The following RAB11FIP4 variants were observed in gnomAD, a reference collection of about 807,000 sequenced individuals.
The protein encoded by RAB11FIP4 is RAB11 family interacting protein 4.
In RAB11FIP4, 23 loss-of-function variants were observed where a neutral mutation model predicts 74.3. That is an observed-to-expected ratio of 0.31 (90% CI 0.22 to 0.44). RAB11FIP4 has a LOEUF of 0.44. Among genes scored for constraint, RAB11FIP4 ranks in the 20% least tolerant of loss-of-function variants. The pLI is 1.00. For synonymous variants in RAB11FIP4, 360 were observed against 359.9 expected (o/e 1.00, Z 0.00); for missense variants, 630 against 863.9 (o/e 0.73, Z 3.39).
intron 3 of RAB11FIP4, among the ~76,000 whole-genome samples, chr17:31,457,082 G>A (rs2071585967): frequency 6.6e-6 from 1 of 152,214 alleles, no homozygotes; most frequent in Non-Finnish European, 1.5e-5. Context: ...GCTGTAAGGA[G>A]GGATAGTGAG....
chr17:31,410,165 G>A (rs2071079937), intron 1 of RAB11FIP4, among the ~76,000 whole-genome samples: 1 of 152,186 alleles, frequency 6.6e-6, no homozygotes, highest in South Asian at 2.1e-4. Flanking sequence ...ACCGAGAGGA[G>A]TTATTAGGGT....
chr17:31,500,403 A>G (rs1597959463), intron 3 of RAB11FIP4, among the ~76,000 whole-genome samples: 2 of 152,268 alleles, frequency 1.3e-5, no homozygotes, highest in East Asian at 3.9e-4. Context: ...AAAATGCTCC[A>G]GATGTCAGGT....
intron 3 of RAB11FIP4, among the ~76,000 whole-genome samples, chr17:31,496,384 T>C (rs1430001952): frequency 2.0e-5 from 3 of 152,154 alleles, no homozygotes; most frequent in Admixed American, 2.0e-4. Flanking sequence ...TCTTGCTGGG[T>C]ATCATCTAAG....
intron 4 of RAB11FIP4, among the ~76,000 whole-genome samples, chr17:31,519,046 G>A (rs1208199825): frequency 1.1e-4 from 12 of 110,580 alleles, no homozygotes; most frequent in Non-Finnish European, 1.9e-4. Flanking sequence ...ACGGAGTCTC[G>A]CTCTGTCGCC....
intron 3 of RAB11FIP4, among the ~76,000 whole-genome samples, chr17:31,441,787 C>G (rs1462096606): frequency 6.6e-6 from 1 of 152,114 alleles, no homozygotes; most frequent in Non-Finnish European, 1.5e-5. Context: ...TTTGGCTTCC[C>G]AAGGTGCTAG....
Position 31,537,055 on chromosome 17 carries a change from C to G in RAB11FIP4, c.*5323C>G. 1 of 399,378 alleles carries G rather than the reference C, an allele frequency of 2.5e-6. No individual in the cohort carries two copies. The highest frequency in any genetic ancestry group is 4.4e-6 in the Non-Finnish European group (1 of 226,230). The allele number at this position is 399,378 out of a possible 1,614,324, so 24.7% of individuals were successfully genotyped here. On this transcript the variant is annotated 3_prime_UTR_variant, in exon 15 of 15. Transcript: ENST00000621161. Reference sequence around the variant, plus strand: ...AAGTGCTGTTGTCCCCAGGGTGACCCTGCCTCCTGCTGGGGCCCATCCGCT... The same window carrying G: ...AAGTGCTGTTGTCCCCAGGGTGACCGTGCCTCCTGCTGGGGCCCATCCGCT...
At chr17:31,524,797 AG>A (rs1220633715) in intron 9 of RAB11FIP4, 4 of 501,164 alleles carry the variant, frequency 8.0e-6, no homozygotes, top group Non-Finnish European at 1.4e-5. Context: ...GTGAGGCCTG[AG>A]GTGGTTCCGG....
rs2071359304 is a variant in RAB11FIP4 at position 31,436,603 on chromosome 17, C to T, written c.336+2481C>T. ...CCACCAAGGTACTCTTTTTTGTAAACCGATATTGCTTTCCTCCAAAGTCTA... is the reference window on the plus strand; with the variant it reads ...CCACCAAGGTACTCTTTTTTGTAAATCGATATTGCTTTCCTCCAAAGTCTA... On this transcript the variant is annotated intron_variant, in intron 3 of 14. Transcript: ENST00000621161. 3.3e-5 allele frequency among the ~76,000 whole-genome samples: 5 copies of T among 152,060 alleles called. No homozygotes were observed. The South Asian group carries it at 1.0e-3, about 31-fold the overall frequency.
chr17:31,447,141 G>A (rs369698083), intron 3 of RAB11FIP4, among the ~76,000 whole-genome samples: 34 of 152,298 alleles, frequency 2.2e-4, no homozygotes, highest in African/African-American at 7.0e-4. Context: ...AAAATTAGCC[G>A]GGCGTGGTGG....
intron 3 of RAB11FIP4, among the ~76,000 whole-genome samples, chr17:31,497,398 G>C (rs116218838): frequency 0.033 from 5,046 of 152,160 alleles, 264 homozygotes; most frequent in African/African-American, 0.12. Context: ...CTTTGTGCTT[G>C]TTTAGGTGTT....
chr17:31,502,049 C>T (rs996908605), intron 3 of RAB11FIP4, among the ~76,000 whole-genome samples: 1 of 152,042 alleles, frequency 6.6e-6, no homozygotes, highest in Non-Finnish European at 1.5e-5. Flanking sequence ...CATGCCAAAA[C>T]CCCATCTGTA....
At chr17:31,511,198 T>C (rs1467546869) in intron 3 of RAB11FIP4, among the ~76,000 whole-genome samples, 1 of 152,104 alleles carries the variant, frequency 6.6e-6, no homozygotes, top group Non-Finnish European at 1.5e-5. Context: ...AGCTCATGAA[T>C]GGTGAATGGT....
At chr17:31,489,457 G>A (rs2071965174) in intron 3 of RAB11FIP4, among the ~76,000 whole-genome samples, 1 of 152,148 alleles carries the variant, frequency 6.6e-6, no homozygotes, top group Admixed American at 6.5e-5. Context: ...AACTAGCCTT[G>A]CGTTGGTGGA....
chr17:31,429,350 A>T (rs2071284060), intron 1 of RAB11FIP4, among the ~76,000 whole-genome samples: 1 of 152,246 alleles, frequency 6.6e-6, no homozygotes, highest in Non-Finnish European at 1.5e-5. Flanking sequence ...GCTAAAGTTC[A>T]AACCACACAA....
rs1250030434 is a variant in RAB11FIP4 at position 31,521,385 on chromosome 17, T to C, written c.758+25T>C. 4 of 1,566,900 alleles carry C rather than the reference T, an allele frequency of 2.6e-6. No individual in the cohort carries two copies. In the South Asian group the frequency reaches 4.6e-5, roughly 18 times the overall value. The stretch of plus-strand genomic sequence containing the variant: ...GGTGGCCCCTTGGTCTGGGATGTCA[T>C]TTGGGGTCAAAAGTTGCAGAAGCAA... On this transcript the variant is annotated intron_variant, in intron 5 of 14. Coordinates refer to ENST00000621161, the MANE Select transcript of RAB11FIP4 (RefSeq NM_032932.6).
intron 3 of RAB11FIP4, among the ~76,000 whole-genome samples, chr17:31,447,056 G>T (rs1432340278): frequency 6.6e-6 from 1 of 152,102 alleles, no homozygotes; most frequent in Non-Finnish European, 1.5e-5. Context: ...AGGCCAAGGC[G>T]GGCGGATCAC....
chr17:31,511,208 T>G (rs1024758819), intron 3 of RAB11FIP4, among the ~76,000 whole-genome samples: 5 of 152,132 alleles, frequency 3.3e-5, no homozygotes, highest in Non-Finnish European at 7.4e-5. Context: ...TGGTGAATGG[T>G]GGAGCAGGGC....
chr17:31,494,528 A>C (rs2072076906), intron 3 of RAB11FIP4, among the ~76,000 whole-genome samples: 1 of 152,194 alleles, frequency 6.6e-6, no homozygotes, highest in Non-Finnish European at 1.5e-5. Flanking sequence ...TGGCCCAAAC[A>C]GGAAGGTGGC....
chr17:31,413,832 G>C (rs1403833160), intron 1 of RAB11FIP4, among the ~76,000 whole-genome samples: 1 of 152,202 alleles, frequency 6.6e-6, no homozygotes. Flanking sequence ...TTTCAAAAGA[G>C]TCATAAGAGT....
Sources: gnomAD v4.1 joint callset for allele counts (sites outside exome capture counted in the v4.1 genomes callset) on GRCh38, gnomAD v4.1.1 for gene constraint, MANE v1.5 for transcripts, NCBI Gene and HGNC (gene_info 2026-07-23, HGNC 2026-07-21) for gene names.